The following NAALADL2 variants were observed in gnomAD, a reference collection of about 807,000 sequenced individuals.
The protein encoded by NAALADL2 is inactive N-acetylated-alpha-linked acidic dipeptidase-like protein 2.
NAALADL2 carries 76 observed loss-of-function variants against 87.2 expected under a neutral mutation model. The ratio of observed to expected loss-of-function variants is 0.87; its 90% CI spans 0.72 to 1.05. NAALADL2 has a LOEUF of 1.05. NAALADL2 is among the 50% of genes least tolerant of loss of function. NAALADL2 has a pLI of 0.00. For missense variants in NAALADL2, 1,089 were observed against 945.8 expected (o/e 1.15, Z -1.99); for synonymous variants, 354 against 331.0 (o/e 1.07, Z -0.75).
intron 9 of NAALADL2, 134 bp downstream of exon 9, chr3:175,471,892 T>C: frequency 1.3e-6 from 1 of 778,026 alleles, no homozygotes; most frequent in Non-Finnish European, 2.1e-6. Flanking sequence ...AAATGATCTA[T>C]TGCTGACATT....
intron 2 of NAALADL2, among the ~76,000 whole-genome samples, chr3:174,710,070 A>G (rs1203164772): frequency 1.3e-5 from 2 of 152,142 alleles, no homozygotes; most frequent in African/African-American, 2.4e-5. Flanking sequence ...ATATTCTGTG[A>G]TTCTTAGTCC....
chr3:174,890,374 A>T (rs1304345390), intron 1 of NAALADL2, among the ~76,000 whole-genome samples: 2 of 152,178 alleles, frequency 1.3e-5, no homozygotes, highest in East Asian at 3.8e-4. Context: ...CACTGTTCTT[A>T]TCCTGGATGA....
At chr3:175,478,259 C>T (rs1006369945) in intron 9 of NAALADL2, among the ~76,000 whole-genome samples, 1 of 151,866 alleles carries the variant, frequency 6.6e-6, no homozygotes, top group Non-Finnish European at 1.5e-5. Flanking sequence ...TCAACGGAAG[C>T]GACCATAAAG....
chr3:175,222,072 A>C (rs373065960), intron 2 of NAALADL2, among the ~76,000 whole-genome samples: 6 of 152,058 alleles, frequency 3.9e-5, no homozygotes, highest in African/African-American at 1.4e-4. Context: ...TGTGAAAAAA[A>C]ATATAGCTGA....
chr3:175,629,059 A>T (rs1727393666), intron 11 of NAALADL2, among the ~76,000 whole-genome samples: 1 of 150,358 alleles, frequency 6.7e-6, no homozygotes, highest in African/African-American at 2.4e-5. Flanking sequence ...AACAGGATAG[A>T]AGTGCACACA....
chr3:174,824,278 T>G lies in NAALADL2; in HGVS notation c.-9+86532T>G, dbSNP rs141531049. Among the ~76,000 whole-genome samples, 459 of 152,318 alleles carry G rather than the reference T, an allele frequency of 3.0e-3. 2 individuals carry two copies. The highest frequency in any genetic ancestry group is 0.011 in the African/African-American group (444 of 41,572). On this transcript the variant is annotated intron_variant, in intron 3 of 3. Transcript: ENST00000434257. ...AAATAGTAGATATAAGGAATTATTT[T>G]ATTTGTAATAATCTATAGAAAGAAG...
At chr3:175,615,269 G>T (rs1168737648) in intron 10 of NAALADL2, among the ~76,000 whole-genome samples, 1 of 152,094 alleles carries the variant, frequency 6.6e-6, no homozygotes, top group Admixed American at 6.5e-5. Context: ...TTCTACCAAT[G>T]AGTAGATGTA....
intron 9 of NAALADL2, among the ~76,000 whole-genome samples, chr3:175,490,697 A>G (rs1466484891): frequency 6.6e-6 from 1 of 151,932 alleles, no homozygotes; most frequent in Non-Finnish European, 1.5e-5. Context: ...GCCGGACCAT[A>G]AGTAACTATT....
At chr3:174,441,477 G>A (rs967607991) in intron 1 of NAALADL2, among the ~76,000 whole-genome samples, 2 of 152,180 alleles carry the variant, frequency 1.3e-5, no homozygotes, top group Admixed American at 1.3e-4. Flanking sequence ...CGCAGGTAAA[G>A]AGCGGCGCCG....
intron 3 of NAALADL2, among the ~76,000 whole-genome samples, chr3:175,253,490 A>G (rs1243260337): frequency 6.6e-6 from 1 of 152,206 alleles, no homozygotes; most frequent in Non-Finnish European, 1.5e-5. Context: ...ATGGTGATGT[A>G]CAGGAGGTTC....
chr3:175,127,027 C>A (rs1373506664), intron 2 of NAALADL2, among the ~76,000 whole-genome samples: 1 of 151,912 alleles, frequency 6.6e-6, no homozygotes, highest in Admixed American at 6.6e-5. Flanking sequence ...GGTGAATCTG[C>A]TGAAATCGCC....
At chr3:175,742,068 A>T (rs1745299472) in intron 12 of NAALADL2, among the ~76,000 whole-genome samples, 1 of 152,202 alleles carries the variant, frequency 6.6e-6, no homozygotes, top group African/African-American at 2.4e-5. Context: ...TTACAGGAAT[A>T]GTCGCTTATG....
At chr3:175,669,459 G>A (rs1470045195) in intron 11 of NAALADL2, among the ~76,000 whole-genome samples, 2 of 151,932 alleles carry the variant, frequency 1.3e-5, no homozygotes, top group Non-Finnish European at 2.9e-5. Context: ...TTTATTCATT[G>A]AAGAAAAAAT....
chr3:175,676,635 G>C (rs1218284574), intron 11 of NAALADL2: 1 of 145,858 alleles, frequency 6.9e-6, no homozygotes, highest in African/African-American at 2.5e-5. Context: ...GTGTGCTCTT[G>C]ATTAAAAAAA....
intron 3 of NAALADL2, among the ~76,000 whole-genome samples, chr3:174,803,462 A>G (rs1719079438): frequency 6.6e-6 from 1 of 152,162 alleles, no homozygotes; most frequent in Non-Finnish European, 1.5e-5. Context: ...TTTGCTGTGC[A>G]GAAGCTCTTT....
At chr3:175,206,775 T>G (rs1012229662) in intron 2 of NAALADL2, among the ~76,000 whole-genome samples, 1 of 152,008 alleles carries the variant, frequency 6.6e-6, no homozygotes, top group Non-Finnish European at 1.5e-5. Context: ...CAGCACAGAG[T>G]AGAGGGGTAG....
chr3:175,552,121 T>C (rs1714502255), intron 9 of NAALADL2, among the ~76,000 whole-genome samples: 1 of 151,986 alleles, frequency 6.6e-6, no homozygotes, highest in African/African-American at 2.4e-5. Context: ...ATGTACATAT[T>C]GTGTATTATA....
intron 2 of NAALADL2, among the ~76,000 whole-genome samples, chr3:175,128,768 G>A (rs1403174300): frequency 6.6e-6 from 1 of 152,038 alleles, no homozygotes. Context: ...AGAACTAGAA[G>A]AGACTGTAAA....
intron 9 of NAALADL2, among the ~76,000 whole-genome samples, chr3:175,548,370 G>A (rs147944628): frequency 6.6e-6 from 1 of 152,008 alleles, no homozygotes; most frequent in Non-Finnish European, 1.5e-5. Context: ...TGGACACATA[G>A]AGGGGAACAA....
Sources: allele counts gnomAD v4.1 joint callset (sites outside exome capture counted in the v4.1 genomes callset), GRCh38; gene constraint gnomAD v4.1.1; transcripts MANE v1.5; gene names NCBI Gene and HGNC (gene_info 2026-07-23, HGNC 2026-07-21).